The following SLC9A7 variants were observed in gnomAD, a reference collection of about 807,000 sequenced individuals.
SLC9A7 encodes solute carrier family 9 member A7.
A neutral mutation model predicts 52.6 loss-of-function variants in SLC9A7; 19 were observed. That is an observed-to-expected ratio of 0.36 (90% confidence interval 0.25 to 0.53). The LOEUF is 0.53. Ranked by LOEUF, SLC9A7 falls within the 20% of genes least tolerant of loss-of-function variation. The pLI is 0.91. For missense variants in SLC9A7, 455 were observed against 597.9 expected, an observed-to-expected ratio of 0.76 and a Z score of 2.49; for synonymous variants, 226 against 252.1, an observed-to-expected ratio of 0.90 and a Z score of 0.98.
chrX:46,727,450 T>C (rs187682093), intron 1 of SLC9A7, among the ~76,000 whole-genome samples: 22 of 112,637 alleles, frequency 2.0e-4, no homozygotes, highest in Admixed American at 1.8e-3. Context: ...TTTTAAAAGT[T>C]CCGATGTCTG....
In SLC9A7 at chrX:46,605,919, G is replaced by C. The variant is rs995725612; in HGVS notation, c.*1033C>G. The stretch of plus-strand genomic sequence containing the variant: ...ACCTGTAATCCCAGCACTTTGGGAG[G>C]CCAAGGGAGGTGGATCACGAGGTCA... On this transcript the variant is annotated 3_prime_UTR_variant, in exon 17 of 17. Coordinates refer to ENST00000616978, the MANE Select transcript of SLC9A7 (RefSeq NM_001257291.2). 2 of 111,789 alleles carry C rather than the reference G, an allele frequency of 1.8e-5. No individual in the cohort carries two copies. Among genetic ancestry groups the C allele is most frequent in the African/African-American group, 6.5e-5 (2 of 30,724 alleles). The allele number at this position is 111,789 out of a possible 1,213,427, so 9.2% of individuals were successfully genotyped here.
intron 1 of SLC9A7, among the ~76,000 whole-genome samples, chrX:46,715,698 T>C (rs1944758849): frequency 8.9e-6 from 1 of 112,004 alleles, no homozygotes; most frequent in Non-Finnish European, 1.9e-5. Context: ...GCGATACACA[T>C]TCAGTAGAAA....
chrX:46,674,885 T>C (rs1479549614), intron 3 of SLC9A7, among the ~76,000 whole-genome samples: 1 of 111,625 alleles, frequency 9.0e-6, no homozygotes, highest in Non-Finnish European at 1.9e-5. Flanking sequence ...ATGAGAAGTT[T>C]TGCTTTGGTG....
chrX:46,743,403 G>T (rs1488282939), intron 1 of SLC9A7, among the ~76,000 whole-genome samples: 2 of 112,400 alleles, frequency 1.8e-5, no homozygotes, highest in African/African-American at 6.5e-5. Context: ...CTGAAACTCA[G>T]AAATTTCAAT....
intron 1 of SLC9A7, among the ~76,000 whole-genome samples, chrX:46,689,591 CCTTTTTT>C (rs1487423932): frequency 4.0e-5 from 1 of 25,049 alleles, no homozygotes; most frequent in Non-Finnish European, 5.6e-5. Flanking sequence ...AGTAATTATG[CCTTTTTT>C]TTTTTTCAGT....
intron 1 of SLC9A7, among the ~76,000 whole-genome samples, chrX:46,736,503 G>A (rs1362118365): frequency 2.7e-5 from 3 of 111,845 alleles, no homozygotes; most frequent in African/African-American, 9.7e-5. Context: ...CTGATGGTCA[G>A]ATATTTTGTA....
intron 1 of SLC9A7, among the ~76,000 whole-genome samples, chrX:46,709,210 C>T (rs1011290357): frequency 9.1e-6 from 1 of 110,187 alleles, no homozygotes; most frequent in Non-Finnish European, 1.9e-5. Flanking sequence ...TCGAGACCGG[C>T]GTGGGCAACA....
intron 7 of SLC9A7, among the ~76,000 whole-genome samples, chrX:46,657,430 A>G (rs1342132408): frequency 7.2e-5 from 8 of 110,751 alleles, no homozygotes; most frequent in African/African-American, 2.6e-4. Context: ...AGACTGGCAA[A>G]TTGGATAAAG....
intron 5 of SLC9A7, among the ~76,000 whole-genome samples, chrX:46,668,381 G>A (rs1456967244): frequency 9.0e-6 from 1 of 111,401 alleles, no homozygotes; most frequent in African/African-American, 3.3e-5. Context: ...GCATGGTGGT[G>A]CATGCCTATA....
At chrX:46,739,397 T>G (rs969472053) in intron 1 of SLC9A7, among the ~76,000 whole-genome samples, 10 of 111,428 alleles carry the variant, frequency 9.0e-5, no homozygotes, top group African/African-American at 3.3e-4. Flanking sequence ...GGATCCATTT[T>G]ATGCCCTTTC....
chrX:46,649,390 C>T (rs1943546993), intron 10 of SLC9A7, among the ~76,000 whole-genome samples: 1 of 112,486 alleles, frequency 8.9e-6, no homozygotes, highest in Non-Finnish European at 1.9e-5. Context: ...ATTCAGATCA[C>T]TCATAGGAAT....
At chrX:46,676,149 G>A (rs946129430) in intron 3 of SLC9A7, among the ~76,000 whole-genome samples, 1 of 111,254 alleles carries the variant, frequency 9.0e-6, no homozygotes, top group African/African-American at 3.3e-5. Context: ...GGGGTCGTGG[G>A]AACCCCAACT....
chrX:46,613,028 C>T (rs994913899), intron 16 of SLC9A7, among the ~76,000 whole-genome samples: 2 of 106,844 alleles, frequency 1.9e-5, no homozygotes, highest in East Asian at 6.0e-4. Context: ...GCATTCCAAT[C>T]CAGTGGCTCT....
chrX:46,723,415 C>T (rs918836378), intron 1 of SLC9A7, among the ~76,000 whole-genome samples: 1 of 109,581 alleles, frequency 9.1e-6, no homozygotes, highest in Non-Finnish European at 1.9e-5. Flanking sequence ...CAAATGCACA[C>T]TCATTGTTCA....
rs367829219 is a variant in SLC9A7 at position 46,727,698 on chromosome X, T to G, written c.325+31007A>C. On this transcript the variant is annotated intron_variant, in intron 1 of 16. Transcript: ENST00000616978. ...CATATGACTTAGTCTTGTGAAAAAT[T>G]ATGATTGCGCTTGAGTCTCTTCGTG... is the stretch of plus-strand genomic sequence containing the variant. Among the ~76,000 whole-genome samples, 23 of 112,308 alleles carry G rather than the reference T, an allele frequency of 2.0e-4. No homozygotes were observed. The East Asian group carries it at 6.1e-3, about 30-fold the overall frequency.
chrX:46,627,599 C>T (rs1943151415), intron 14 of SLC9A7, among the ~76,000 whole-genome samples: 1 of 111,848 alleles, frequency 8.9e-6, no homozygotes, highest in African/African-American at 3.3e-5. Flanking sequence ...TACCTTGTTG[C>T]AGATATTTTC....
intron 1 of SLC9A7, among the ~76,000 whole-genome samples, chrX:46,746,181 T>C (rs1202038038): frequency 1.8e-5 from 2 of 109,123 alleles, no homozygotes; most frequent in African/African-American, 6.7e-5. Flanking sequence ...AAAAAAAAAT[T>C]AGTTGGGCGT....
intron 5 of SLC9A7, among the ~76,000 whole-genome samples, chrX:46,668,875 T>G (rs1303131910): frequency 9.0e-6 from 1 of 111,216 alleles, no homozygotes; most frequent in East Asian, 2.8e-4. Flanking sequence ...CACTTAGAAA[T>G]TGTTAAGATA....
intron 1 of SLC9A7, among the ~76,000 whole-genome samples, chrX:46,731,464 T>G (rs775302887): frequency 1.5e-5 from 1 of 64,996 alleles, no homozygotes; most frequent in African/African-American, 4.2e-5. Context: ...TAGCCAGGTG[T>G]GGTGGTGTGC....
Sources: gnomAD v4.1 joint callset for allele counts (sites outside exome capture counted in the v4.1 genomes callset) on GRCh38, gnomAD v4.1.1 for gene constraint, MANE v1.5 for transcripts, NCBI Gene and HGNC (gene_info 2026-07-23, HGNC 2026-07-21) for gene names.